Variants in AGBL4 observed in about 807,000 individuals in gnomAD.
AGBL4 encodes the protein AGBL carboxypeptidase 4.
A neutral mutation model predicts 66.4 loss-of-function variants in AGBL4; 58 were observed. The observed-to-expected ratio is 0.87, with a 90% CI of 0.71 to 1.09. The LOEUF is 1.09. Ranked by LOEUF, AGBL4 falls within the 50% of genes least tolerant of loss-of-function variation. The pLI, the probability that AGBL4 is intolerant of heterozygous loss-of-function variation, is 0.00. For missense variants in AGBL4, 579 were observed against 631.0 expected (o/e 0.92, Z 0.88); for synonymous variants, 234 against 222.9 (o/e 1.05, Z -0.44).
At chr1:49,565,506 C>T (rs1558057351) in intron 3 of AGBL4, among the ~76,000 whole-genome samples, 1 of 152,134 alleles carries the variant, frequency 6.6e-6, no homozygotes, top group East Asian at 1.9e-4. Context: ...CTGGTGGTGA[C>T]AAAATCTCTC....
chr1:48,940,835 A>G (rs1029096375), intron 5 of AGBL4, among the ~76,000 whole-genome samples: 1 of 152,206 alleles, frequency 6.6e-6, no homozygotes, highest in Non-Finnish European at 1.5e-5. Context: ...TGTCCTTTCT[A>G]TCTTAGAAAG....
intron 3 of AGBL4, among the ~76,000 whole-genome samples, chr1:49,379,241 A>T (rs1644539200): frequency 6.6e-6 from 1 of 152,096 alleles, no homozygotes; most frequent in African/African-American, 2.4e-5. Flanking sequence ...CCCACTTTGT[A>T]ATTTTCTTTC....
intron 11 of AGBL4, among the ~76,000 whole-genome samples, chr1:48,573,911 G>A (rs1168655787): frequency 1.3e-5 from 2 of 152,120 alleles, no homozygotes; most frequent in African/African-American, 4.8e-5. Context: ...ACACTGTGAG[G>A]TAAATATAAT....
At chr1:48,850,912 C>T (rs1647018546) in intron 6 of AGBL4, among the ~76,000 whole-genome samples, 1 of 152,232 alleles carries the variant, frequency 6.6e-6, no homozygotes, top group African/African-American at 2.4e-5. Flanking sequence ...GACTTTTCCA[C>T]CTAGAAGCCA....
intron 5 of AGBL4, among the ~76,000 whole-genome samples, chr1:48,917,175 G>A (rs1213337465): frequency 5.3e-5 from 8 of 152,008 alleles, no homozygotes; most frequent in Middle Eastern, 6.8e-3. Flanking sequence ...TCTTATTGCT[G>A]ACCAAGAGGT....
intron 3 of AGBL4, among the ~76,000 whole-genome samples, chr1:49,476,061 A>G (rs932476082): frequency 6.6e-6 from 1 of 151,948 alleles, no homozygotes; most frequent in Non-Finnish European, 1.5e-5. Context: ...TAGCATTGTA[A>G]TCTTTCCTCT....
intron 6 of AGBL4, among the ~76,000 whole-genome samples, chr1:48,816,045 TTGTG>T (rs59041939): frequency 0.2 from 28,686 of 144,084 alleles, 3,010 homozygotes; most frequent in East Asian, 0.42. Context: ...AGGAACTGTT[TTGTG>T]TGTGTGTGTG....
chr1:49,308,191 A>C (rs1185101839), intron 3 of AGBL4, among the ~76,000 whole-genome samples: 2 of 152,196 alleles, frequency 1.3e-5, no homozygotes, highest in Non-Finnish European at 2.9e-5. Context: ...AACCAATTAA[A>C]TCTTTTTCCT....
At chr1:49,101,789 A>G (rs181956244) in intron 4 of AGBL4, among the ~76,000 whole-genome samples, 2 of 152,182 alleles carry the variant, frequency 1.3e-5, no homozygotes, top group Admixed American at 1.3e-4. Context: ...TAGGGGTTAT[A>G]AAACAGACTG....
chr1:48,528,881 T>C (rs1643892628), downstream of AGBL4, among the ~76,000 whole-genome samples: 1 of 152,140 alleles, frequency 6.6e-6, no homozygotes. Context: ...TGACAAAACA[T>C]GGTATCTTGT....
At chr1:48,582,596 G>C (rs1413232663) in intron 11 of AGBL4, among the ~76,000 whole-genome samples, 2 of 152,184 alleles carry the variant, frequency 1.3e-5, no homozygotes, top group East Asian at 1.9e-4. Context: ...AGTCTGCATG[G>C]GGCTGAGACA....
chr1:49,935,905 C>G (rs1653950235), intron 1 of AGBL4, among the ~76,000 whole-genome samples: 2 of 152,124 alleles, frequency 1.3e-5, no homozygotes, highest in Admixed American at 1.3e-4. Context: ...AGCAGAAAAA[C>G]TGGAAACTCT....
In AGBL4 at chr1:49,851,433, C is replaced by G; in HGVS notation, c.120G>C (p.Lys40Asn). The change falls in exon 2 of 14, where the codon AAG becomes AAC. Residue 40 changes from lysine to asparagine, a missense_variant. Physicochemically the swap from Lys to Asn is moderately conservative, Grantham distance 94 (BLOSUM62 0). Coordinates refer to ENST00000371839, the MANE Select transcript of AGBL4 (RefSeq NM_032785.4). ...VLPTGYCGQP[K>N]KGHLIFDACF... ...AAGCATCAAAGATAAGATGTCCTTT[C>G]TTGGGCTGTCCACAATAGCCAGTTG... 1 of 1,550,438 alleles carries G rather than the reference C, an allele frequency of 6.4e-7. No individual in the cohort carries two copies. Among genetic ancestry groups the G allele is most frequent in the Non-Finnish European group, 8.7e-7 (1 of 1,146,246 alleles).
At chr1:49,234,117 T>A (rs1465518016) in intron 4 of AGBL4, among the ~76,000 whole-genome samples, 1 of 152,214 alleles carries the variant, frequency 6.6e-6, no homozygotes, top group Non-Finnish European at 1.5e-5. Flanking sequence ...CATCTGTTCA[T>A]GTGGAAGAAA....
At chr1:49,013,501 A>C (rs1463892138) in intron 5 of AGBL4, among the ~76,000 whole-genome samples, 1 of 152,204 alleles carries the variant, frequency 6.6e-6, no homozygotes, top group African/African-American at 2.4e-5. Context: ...GTTGGAAGGA[A>C]CGGGGCTTCA....
intron 8 of AGBL4, among the ~76,000 whole-genome samples, chr1:48,640,160 G>A (rs1287137546): frequency 6.6e-6 from 1 of 152,172 alleles, no homozygotes; most frequent in Non-Finnish European, 1.5e-5. Context: ...GCACCAGTGG[G>A]AAAGAATCTT....
intron 6 of AGBL4, among the ~76,000 whole-genome samples, chr1:48,775,818 C>G (rs900754649): frequency 1.3e-5 from 2 of 152,220 alleles, no homozygotes; most frequent in African/African-American, 4.8e-5. Flanking sequence ...CTCTCAGGGC[C>G]CTGGCAGGGC....
chr1:49,775,741 A>G (rs1459829284), intron 2 of AGBL4, among the ~76,000 whole-genome samples: 3 of 152,094 alleles, frequency 2.0e-5, no homozygotes, highest in Admixed American at 1.3e-4. Context: ...TAGAAATTCA[A>G]TAAAAGTTTG....
intron 3 of AGBL4, among the ~76,000 whole-genome samples, chr1:49,604,764 C>T (rs1215641800): frequency 6.6e-6 from 1 of 151,906 alleles, no homozygotes; most frequent in Non-Finnish European, 1.5e-5. Flanking sequence ...CCCCCATTTC[C>T]CTCTGTTTAC....
Sources: allele counts gnomAD v4.1 joint callset (sites outside exome capture counted in the v4.1 genomes callset), GRCh38; gene constraint gnomAD v4.1.1; transcripts MANE v1.5; gene names NCBI Gene and HGNC (gene_info 2026-07-23, HGNC 2026-07-21).